MORN1: variants seen among roughly 807,000 people sequenced by gnomAD.
MORN1 encodes MORN repeat-containing protein 1.
MORN1 carries 67 observed loss-of-function variants against 61.9 expected under a neutral mutation model. The ratio of observed to expected loss-of-function variants is 1.08; its 90% CI spans 0.89 to 1.33. The LOEUF (loss-of-function observed/expected upper bound fraction) is 1.33, where lower values mean the gene tolerates loss of function less well. Among genes scored for constraint, MORN1 ranks in the 40% most tolerant of loss-of-function variants. The probability of loss-of-function intolerance (pLI) is 0.00; values close to 1 mark genes in which losing one functional copy is unlikely to be tolerated. For synonymous variants in MORN1, 301 were observed against 292.0 expected, an observed-to-expected ratio of 1.03 and a Z score of -0.31; for missense variants, 752 against 691.2, an observed-to-expected ratio of 1.09 and a Z score of -0.99.
In MORN1 at chr1:2,330,317, C is replaced by T. The variant is rs1271832071; in HGVS notation, c.1250+6152G>A. On this transcript the variant is annotated intron_variant, in intron 12 of 13. Coordinates refer to ENST00000378531, the MANE Select transcript of MORN1 (RefSeq NM_024848.3). ...GCCAGGCTCTCGCCCCATGTGTCTC[C>T]AGGCACCAGTGGTGGCTGCTGGCTC... is the stretch of plus-strand genomic sequence containing the variant. 2.0e-5 allele frequency among the ~76,000 whole-genome samples: 3 copies of T among 152,234 alleles called. No homozygotes were observed. The East Asian group carries it at 5.8e-4, about 29-fold the overall frequency.
At chr1:2,382,347 A>C (rs1191077650) in intron 6 of MORN1, among the ~76,000 whole-genome samples, 2 of 152,064 alleles carry the variant, frequency 1.3e-5, no homozygotes, top group African/African-American at 4.8e-5. Context: ...CCATCCTAGC[A>C]CCTCAGCTTC....
At chr1:2,349,362 C>G (rs1641599328) in intron 10 of MORN1, among the ~76,000 whole-genome samples, 1 of 152,212 alleles carries the variant, frequency 6.6e-6, no homozygotes, top group South Asian at 2.1e-4. Flanking sequence ...TCAGCACCCA[C>G]AAGGCTGCCT....
intron 1 of MORN1, among the ~76,000 whole-genome samples, chr1:2,391,204 G>C (rs533247344): frequency 6.6e-6 from 1 of 152,264 alleles, no homozygotes. Flanking sequence ...TCCCGGCTAG[G>C]AGCCCGCGGG....
intron 10 of MORN1, among the ~76,000 whole-genome samples, chr1:2,342,857 A>ATTTTATTTTATT (rs1641425873): frequency 3.0e-5 from 3 of 100,166 alleles, no homozygotes; most frequent in Admixed American, 1.0e-4. Flanking sequence ...ATTTTATTTT[A>ATTTTATTTTATT]TTTTATTTTA....
intron 10 of MORN1, chr1:2,355,313 G>T: frequency 6.8e-7 from 1 of 1,476,404 alleles, no homozygotes; most frequent in Non-Finnish European, 9.0e-7. Flanking sequence ...AGGCTTGGCC[G>T]CCTTGGCCTC....
intron 6 of MORN1, among the ~76,000 whole-genome samples, chr1:2,382,645 G>GCTGCCCCACTGCCCCACC (rs1642399593): frequency 6.6e-6 from 1 of 152,224 alleles, no homozygotes; most frequent in Non-Finnish European, 1.5e-5. Context: ...GGACAGTGAA[G>GCTGCCCCACTGCCCCACC]ACAAGGGAGC....
At chr1:2,322,568 C>A (rs1295606775) in intron 13 of MORN1, 40 of 984,310 alleles carry the variant, frequency 4.1e-5, no homozygotes, top group Non-Finnish European at 4.7e-5. Context: ...AAAAAAAAAA[C>A]ACGGTTCTGG....
At chr1:2,344,926 C>A (rs568261774) in intron 10 of MORN1, among the ~76,000 whole-genome samples, 2 of 152,358 alleles carry the variant, frequency 1.3e-5, no homozygotes, top group East Asian at 3.9e-4. Context: ...ACAGCGTCAG[C>A]CCCCGCGAGG....
At chr1:2,322,265 C>T in intron 13 of MORN1, 3 of 985,436 alleles carry the variant, frequency 3.0e-6, no homozygotes, top group Non-Finnish European at 3.6e-6. Flanking sequence ...AAACCATCCT[C>T]TCCCCTCCCC....
At chr1:2,389,544 A>C (rs1413731564) in intron 2 of MORN1, among the ~76,000 whole-genome samples, 2 of 152,252 alleles carry the variant, frequency 1.3e-5, no homozygotes, top group Non-Finnish European at 2.9e-5. Context: ...CTGGGATTAC[A>C]GGCGTGAGCC....
intron 6 of MORN1, chr1:2,378,997 T>G (rs1322363203): frequency 2.1e-6 from 1 of 470,706 alleles, no homozygotes. Context: ...CACGTTTATT[T>G]TCAGGAATGC....
Position 2,321,399 on chromosome 1 carries a change from G to A in MORN1, c.1478C>T (p.Pro493Leu), listed in dbSNP as rs981510033. ...WQAAHSCTPE[P>L]PAPR ...CACGGGGCCTCACCGAGGCGCTGGC[G>A]GCTCTGGGGTGCAGCTGTGGGCGGC... The change falls in exon 14 of 14, where the codon CCG becomes CTG. Residue 493 changes from proline to leucine, a missense_variant. Transcript: ENST00000378531. The A allele has an allele frequency of 2.0e-6, 3 of 1,529,032 alleles. No homozygotes were observed. Among genetic ancestry groups the A allele is most frequent in the African/African-American group, 1.4e-5 (1 of 71,596 alleles). The allele number at this position is 1,529,032 out of a possible 1,614,324, so 94.7% of individuals were successfully genotyped here.
At chr1:2,324,426 C>A (rs962858448) in intron 12 of MORN1, among the ~76,000 whole-genome samples, 1 of 152,226 alleles carries the variant, frequency 6.6e-6, no homozygotes, top group Non-Finnish European at 1.5e-5. Context: ...GGACCGACCA[C>A]CCCATTTCCA....
At chr1:2,379,319 T>G in intron 6 of MORN1, 1 of 371,924 alleles carries the variant, frequency 2.7e-6, no homozygotes, top group South Asian at 2.1e-5. Flanking sequence ...TTCTAGTCTT[T>G]TCAGAACATA....
chr1:2,372,663 A>C lies in MORN1; in HGVS notation c.635-72T>G. ...CCACCCACCCCATGGCTGAGTCAGCAGTGGGCACCCCAGGAACCGACCAGA... is the reference window on the plus strand; with the variant it reads ...CCACCCACCCCATGGCTGAGTCAGCCGTGGGCACCCCAGGAACCGACCAGA... On this transcript the variant is annotated intron_variant, in intron 7 of 13. Transcript: ENST00000378531. The surrounding 1 kb of genome is among the most constrained non-coding windows in gnomAD (Gnocchi z 5.4). The C allele has an allele frequency of 8.2e-7, 1 of 1,221,094 alleles. No homozygotes were observed. The highest frequency in any genetic ancestry group is 1.2e-6 in the Non-Finnish European group (1 of 854,106). 75.6% of individuals were successfully genotyped at this position (1,221,094 alleles called of 1,614,324 possible). A position where few individuals can be genotyped will look rare whatever the true frequency, so the allele number is the denominator to read the frequency against.
chr1:2,348,243 C>T (rs1641557360), intron 10 of MORN1, among the ~76,000 whole-genome samples: 2 of 152,264 alleles, frequency 1.3e-5, no homozygotes, highest in African/African-American at 4.8e-5. Context: ...GGTCTCATCA[C>T]AGAGAGACCC....
At chr1:2,389,048 G>C (rs1642576102) in intron 2 of MORN1, among the ~76,000 whole-genome samples, 1 of 150,446 alleles carries the variant, frequency 6.6e-6, no homozygotes, top group Non-Finnish European at 1.5e-5. Context: ...GGAGCCGGAG[G>C]TTGCAGTGAG....
At chr1:2,385,724 T>C (rs1642481469) in intron 5 of MORN1, 83 bp downstream of exon 5, 13 of 1,320,976 alleles carry the variant, frequency 9.8e-6, no homozygotes, top group Middle Eastern at 1.8e-4. Flanking sequence ...GGCAGTCCTG[T>C]CTACACCCCC....
chr1:2,391,221 C>T (rs904045995), intron 1 of MORN1, among the ~76,000 whole-genome samples: 3 of 152,008 alleles, frequency 2.0e-5, no homozygotes, highest in Non-Finnish European at 2.9e-5. Flanking sequence ...CGGGGGGCGA[C>T]CCCCTGCAGG....
Sources: allele counts gnomAD v4.1 joint callset (sites outside exome capture counted in the v4.1 genomes callset), GRCh38; gene constraint gnomAD v4.1.1; non-coding constraint Gnocchi (gnomAD v3.1); transcripts MANE v1.5; gene names NCBI Gene and HGNC (gene_info 2026-07-23, HGNC 2026-07-21).